Variants in SNAP91 observed in about 807,000 individuals in gnomAD.
SNAP91 encodes clathrin coat assembly protein AP180.
A neutral mutation model predicts 100.3 loss-of-function variants in SNAP91; 27 were observed. The observed-to-expected ratio is 0.27, with a 90% CI of 0.20 to 0.37. The LOEUF is 0.37. Ranked by LOEUF, SNAP91 falls within the 10% of genes least tolerant of loss-of-function variation. SNAP91 has a pLI of 1.00. For synonymous variants in SNAP91, 404 were observed against 398.6 expected (o/e 1.01, Z -0.16); for missense variants, 986 against 1,123.7 (o/e 0.88, Z 1.75).
At chr6:83,565,373 A>C (rs1227691313) in intron 26 of SNAP91, among the ~76,000 whole-genome samples, 1 of 152,138 alleles carries the variant, frequency 6.6e-6, no homozygotes, top group East Asian at 1.9e-4. Context: ...TTAGTTTCCC[A>C]TATATTTGCC....
rs542876298 is a variant in SNAP91, at chr6:83,665,966, T to C, written c.131-385A>G. ...ATGTGGGCACTTATTCTATATGCCA[T>C]TTGAAGGCAATAACATAAATGTACT... On this transcript the variant is annotated intron_variant, in intron 2 of 29. Transcript: ENST00000369694. Among the ~76,000 whole-genome samples, 13 of 152,226 alleles carry C rather than the reference T, an allele frequency of 8.5e-5. No homozygotes were observed. In the East Asian group the frequency reaches 2.1e-3, roughly 25 times the overall value.
At chr6:83,586,097 C>T (rs2092553187) in intron 22 of SNAP91, among the ~76,000 whole-genome samples, 1 of 152,124 alleles carries the variant, frequency 6.6e-6, no homozygotes. Flanking sequence ...ATCTGCCCGC[C>T]TCGGCCTCAC....
intron 25 of SNAP91, chr6:83,575,740 C>T (rs1817618914): frequency 5.6e-6 from 2 of 359,022 alleles, no homozygotes; most frequent in African/African-American, 4.3e-5. Context: ...GAATGTAATG[C>T]TATTAAAATA....
chr6:83,615,706 A>G (rs1344881869), intron 10 of SNAP91, among the ~76,000 whole-genome samples: 1 of 152,192 alleles, frequency 6.6e-6, no homozygotes, highest in Non-Finnish European at 1.5e-5. Flanking sequence ...GTTGCTTATC[A>G]CTGCAAATTT....
Position 83,661,673 on chromosome 6 carries a change from A to AT in SNAP91, c.350-70dup, listed in dbSNP as rs34572243. On this transcript the variant is annotated intron_variant, in intron 4 of 29. Coordinates refer to ENST00000369694, the MANE Select transcript of SNAP91 (RefSeq NM_001242792.2). ...CTTCAACTGTGCTTTGCATAGTACT[A>AT]TTTTTTTTTAACTCTCTAAATGGTG... The AT allele has an allele frequency of 2.6e-3, 2,078 of 796,006 alleles. 3 individuals are homozygous for AT. Among genetic ancestry groups the AT allele is most frequent in the Non-Finnish European group, 3.3e-3 (1,704 of 508,764 alleles). 49.3% of individuals were successfully genotyped at this position (796,006 alleles called of 1,614,324 possible). A position where few individuals can be genotyped will look rare whatever the true frequency, so the allele number is the denominator to read the frequency against.
chr6:83,606,892 A>G (rs1232363622), intron 13 of SNAP91, among the ~76,000 whole-genome samples: 3 of 152,228 alleles, frequency 2.0e-5, no homozygotes, highest in African/African-American at 7.2e-5. Context: ...TTTAATTAGA[A>G]CAGTAATAGA....
intron 9 of SNAP91, among the ~76,000 whole-genome samples, chr6:83,619,016 A>G (rs10080803): frequency 0.02 from 3,063 of 152,132 alleles, 96 homozygotes; most frequent in African/African-American, 0.071. Context: ...ACAAAACAAA[A>G]AAACAAAACA....
chr6:83,561,508 C>T (rs1787626504), intron 26 of SNAP91, among the ~76,000 whole-genome samples: 1 of 152,154 alleles, frequency 6.6e-6, no homozygotes, highest in Non-Finnish European at 1.5e-5. Context: ...ACTTGATGTT[C>T]TCTGTTATAG....
chr6:83,650,446 TCTCA>T (rs1241135282), intron 7 of SNAP91, among the ~76,000 whole-genome samples: 12 of 152,044 alleles, frequency 7.9e-5, no homozygotes, highest in Admixed American at 7.9e-4. Context: ...TGAGATGGAG[TCTCA>T]CTCTGTTGCC....
intron 14 of SNAP91, among the ~76,000 whole-genome samples, chr6:83,602,990 A>C (rs1409269823): frequency 6.6e-6 from 1 of 152,088 alleles, no homozygotes; most frequent in Non-Finnish European, 1.5e-5. Flanking sequence ...CCAGAACTTA[A>C]AGTTAAAAAA....
intron 22 of SNAP91, among the ~76,000 whole-genome samples, chr6:83,583,132 T>A (rs758317338): frequency 2.0e-5 from 3 of 152,266 alleles, no homozygotes; most frequent in African/African-American, 7.2e-5. Context: ...ACTCGCAGTG[T>A]CAGATGCCTG....
intron 19 of SNAP91, 75 bp downstream of exon 19, chr6:83,593,107 A>G: frequency 6.6e-7 from 1 of 1,506,614 alleles, no homozygotes; most frequent in Non-Finnish European, 9.0e-7. Context: ...GCATTATCAC[A>G]GGTGAGTACA....
Position 83,661,489 on chromosome 6 carries a change from G to A in SNAP91, c.452+13C>T, listed in dbSNP as rs1187511727. ...ATTCTCCTCTAATAAATATAAGAAA[G>A]ACAAAAACATACCCTTTCTTCACCC... On this transcript the variant is annotated intron_variant, in intron 5 of 29. Transcript: ENST00000369694. 6.6e-7 allele frequency: 1 copy of A among 1,525,530 alleles called. No individual in the cohort carries two copies. The highest frequency in any genetic ancestry group is 9.0e-7 in the Non-Finnish European group (1 of 1,112,572). 94.5% of individuals were successfully genotyped at this position (1,525,530 alleles called of 1,614,324 possible).
intron 22 of SNAP91, among the ~76,000 whole-genome samples, chr6:83,583,972 T>C (rs1832161216): frequency 1.3e-5 from 2 of 152,190 alleles, no homozygotes; most frequent in South Asian, 4.1e-4. Flanking sequence ...CTTTAAGTGA[T>C]TTTAGTATTT....
At chr6:83,679,848 A>AT (rs917340712) in intron 2 of SNAP91, among the ~76,000 whole-genome samples, 3 of 152,184 alleles carry the variant, frequency 2.0e-5, no homozygotes, top group African/African-American at 7.2e-5. Context: ...GAATAAAGTG[A>AT]TTTCTAAGAT....
intron 26 of SNAP91, among the ~76,000 whole-genome samples, chr6:83,572,027 A>T (rs939769823): frequency 1.7e-4 from 26 of 152,144 alleles, no homozygotes; most frequent in African/African-American, 5.8e-4. Flanking sequence ...GTCTTCCGCC[A>T]TGATTGTGAG....
At chr6:83,678,898 A>C in intron 2 of SNAP91, 3 of 1,133,934 alleles carry the variant, frequency 2.6e-6, no homozygotes, top group Non-Finnish European at 3.3e-6. Flanking sequence ...ACATCATTTT[A>C]CTTTACTGCA....
intron 2 of SNAP91, among the ~76,000 whole-genome samples, chr6:83,705,782 G>A (rs185401431): frequency 4.0e-5 from 6 of 151,868 alleles, no homozygotes; most frequent in African/African-American, 1.4e-4. Context: ...TCCAGCCTGG[G>A]TGACAGAGTG....
intron 27 of SNAP91, among the ~76,000 whole-genome samples, 188 bp from the exon 28 acceptor site, chr6:83,560,396 G>C (rs946527137): frequency 1.3e-5 from 2 of 152,174 alleles, no homozygotes; most frequent in African/African-American, 4.8e-5. Context: ...CGCTAAGGTG[G>C]GTGGGTAGCA....
Sources: gnomAD v4.1 joint callset for allele counts (sites outside exome capture counted in the v4.1 genomes callset) on GRCh38, gnomAD v4.1.1 for gene constraint, MANE v1.5 for transcripts, NCBI Gene and HGNC (gene_info 2026-07-23, HGNC 2026-07-21) for gene names.